DLG2: variants seen among roughly 807,000 people sequenced by gnomAD.
DLG2 encodes the protein discs large MAGUK scaffold protein 2.
In DLG2, 45 loss-of-function variants were observed where a neutral mutation model predicts 132.5. The ratio of observed to expected loss-of-function variants is 0.34; its 90% CI spans 0.27 to 0.44. DLG2 has a LOEUF of 0.44. Ranked by LOEUF, DLG2 falls within the 20% of genes least tolerant of loss-of-function variation. The probability of loss-of-function intolerance (pLI) is 1.00; values close to 1 mark genes in which losing one functional copy is unlikely to be tolerated. For missense variants in DLG2, 1,045 were observed against 1,196.9 expected, an observed-to-expected ratio of 0.87 and a Z score of 1.87; for synonymous variants, 424 against 419.6, an observed-to-expected ratio of 1.01 and a Z score of -0.13.
intron 17 of DLG2, among the ~76,000 whole-genome samples, chr11:83,828,392 C>A (rs2053503857): frequency 1.3e-5 from 2 of 152,160 alleles, no homozygotes; most frequent in South Asian, 4.1e-4. Flanking sequence ...GACTCCGTCA[C>A]AAATAATAAT....
At chr11:84,175,650 C>A (rs897689951) in intron 8 of DLG2, among the ~76,000 whole-genome samples, 1 of 152,116 alleles carries the variant, frequency 6.6e-6, no homozygotes, top group South Asian at 2.1e-4. Context: ...CCACCTTCTT[C>A]GCTATCTCAT....
At chr11:84,795,173 G>A (rs1565982470) in intron 6 of DLG2, among the ~76,000 whole-genome samples, 1 of 152,198 alleles carries the variant, frequency 6.6e-6, no homozygotes, top group Non-Finnish European at 1.5e-5. Flanking sequence ...GACTTCGCCG[G>A]ACTTGGGCAG....
chr11:85,184,697 T>A (rs2079971488), intron 4 of DLG2, among the ~76,000 whole-genome samples: 1 of 151,882 alleles, frequency 6.6e-6, no homozygotes, highest in Admixed American at 6.6e-5. Context: ...ATACACATAG[T>A]TAAAATTTTA....
At chr11:83,982,583 C>T (rs1162713961) in intron 11 of DLG2, among the ~76,000 whole-genome samples, 1 of 150,218 alleles carries the variant, frequency 6.7e-6, no homozygotes, top group Non-Finnish European at 1.5e-5. Flanking sequence ...AGTGTTATTA[C>T]AAAAGAGTCA....
At chr11:84,406,259 C>A (rs2098848909) in intron 7 of DLG2, among the ~76,000 whole-genome samples, 1 of 152,116 alleles carries the variant, frequency 6.6e-6, no homozygotes, top group Non-Finnish European at 1.5e-5. Flanking sequence ...CCTTGCCCTG[C>A]CTATCTACCC....
chr11:83,501,583 T>C (rs2094455132), intron 21 of DLG2, among the ~76,000 whole-genome samples: 2 of 152,212 alleles, frequency 1.3e-5, no homozygotes, highest in Admixed American at 6.5e-5. Flanking sequence ...CTTTCATCTC[T>C]ACCATTCTCA....
At chr11:83,988,295 A>G (rs2093472150) in intron 11 of DLG2, among the ~76,000 whole-genome samples, 1 of 151,882 alleles carries the variant, frequency 6.6e-6, no homozygotes. Flanking sequence ...ATTCATCTTG[A>G]GTTAATTTTT....
chr11:84,984,711 T>C (rs971378302), intron 6 of DLG2, among the ~76,000 whole-genome samples: 3 of 152,070 alleles, frequency 2.0e-5, no homozygotes, highest in Non-Finnish European at 4.4e-5. Context: ...GCAGAATGGA[T>C]AAGAATTCAT....
chr11:84,007,308 G>A (rs760893527), intron 11 of DLG2, among the ~76,000 whole-genome samples: 50 of 151,748 alleles, frequency 3.3e-4, no homozygotes, highest in Non-Finnish European at 5.2e-4. Flanking sequence ...TGAAACCACT[G>A]GGTAACAGAT....
intron 4 of DLG2, among the ~76,000 whole-genome samples, chr11:85,246,136 A>T (rs1198628984): frequency 6.6e-6 from 1 of 152,008 alleles, no homozygotes; most frequent in African/African-American, 2.4e-5. Context: ...TGTGAATTAT[A>T]AAATTCAGGT....
intron 3 of DLG2, among the ~76,000 whole-genome samples, chr11:85,325,326 G>C (rs1319634933): frequency 6.6e-6 from 1 of 152,148 alleles, no homozygotes; most frequent in African/African-American, 2.4e-5. Context: ...GCAGGGCACA[G>C]ACAAACAAAA....
chr11:83,970,605 G>A (rs1215893779), intron 12 of DLG2, among the ~76,000 whole-genome samples: 4 of 152,206 alleles, frequency 2.6e-5, no homozygotes, highest in Non-Finnish European at 5.9e-5. Context: ...CTTCCTAGCT[G>A]TGTGATTTGG....
chr11:84,145,257 A>G (rs572770636), intron 9 of DLG2, among the ~76,000 whole-genome samples: 90 of 152,322 alleles, frequency 5.9e-4, no homozygotes, highest in African/African-American at 2.0e-3. Flanking sequence ...AATGACAGGG[A>G]TATGTTCTGA....
intron 8 of DLG2, among the ~76,000 whole-genome samples, chr11:84,224,568 T>C (rs2096963268): frequency 6.6e-6 from 1 of 152,212 alleles, no homozygotes; most frequent in Non-Finnish European, 1.5e-5. Flanking sequence ...CAATATTTTA[T>C]ACATATTAAC....
intron 17 of DLG2, among the ~76,000 whole-genome samples, chr11:83,833,373 G>A (rs991797556): frequency 6.6e-6 from 1 of 152,192 alleles, no homozygotes; most frequent in African/African-American, 2.4e-5. Context: ...GGGAGGCAGA[G>A]GTTGCAGTGA....
intron 22 of DLG2, among the ~76,000 whole-genome samples, chr11:83,473,042 G>A (rs182042737): frequency 6.6e-6 from 1 of 152,118 alleles, no homozygotes; most frequent in East Asian, 1.9e-4. Flanking sequence ...TTTCTGTCTG[G>A]CATTGAGAAT....
intron 6 of DLG2, among the ~76,000 whole-genome samples, chr11:84,841,332 T>C (rs1268318111): frequency 6.6e-6 from 1 of 151,960 alleles, no homozygotes; most frequent in African/African-American, 2.4e-5. Flanking sequence ...AAATAAAAAA[T>C]AATAACATCT....
intron 4 of DLG2, among the ~76,000 whole-genome samples, chr11:85,235,052 T>C (rs1387439921): frequency 2.0e-5 from 3 of 151,988 alleles, no homozygotes; most frequent in African/African-American, 7.2e-5. Flanking sequence ...GACAATATTT[T>C]AAATAAATTC....
intron 18 of DLG2, among the ~76,000 whole-genome samples, chr11:83,768,593 T>C (rs1298499182): frequency 1.3e-5 from 2 of 152,214 alleles, no homozygotes; most frequent in Non-Finnish European, 2.9e-5. Context: ...TTGGTGTATA[T>C]TTTATTAAGC....
Sources: gnomAD v4.1 joint callset for allele counts (sites outside exome capture counted in the v4.1 genomes callset) on GRCh38, gnomAD v4.1.1 for gene constraint, MANE v1.5 for transcripts, NCBI Gene and HGNC (gene_info 2026-07-23, HGNC 2026-07-21) for gene names.